SCN1A: variants seen among roughly 807,000 people sequenced by gnomAD.
The protein encoded by SCN1A is sodium channel protein type 1 subunit alpha.
SCN1A carries 13 observed loss-of-function variants against 193.7 expected under a neutral mutation model. The observed-to-expected ratio is 0.07, with a 90% CI of 0.04 to 0.11. The LOEUF (loss-of-function observed/expected upper bound fraction) is 0.11, where lower values mean the gene tolerates loss of function less well. Ranked by LOEUF, SCN1A falls within the 10% of genes least tolerant of loss-of-function variation. The pLI, the probability that SCN1A is intolerant of heterozygous loss-of-function variation, is 1.00. For missense variants in SCN1A, 1,432 were observed against 2,451.1 expected (o/e 0.58, Z 8.78); for synonymous variants, 781 against 843.6 (o/e 0.93, Z 1.29).
chr2:166,025,953 T>A (rs1347186958), intron 19 of SCN1A, among the ~76,000 whole-genome samples: 2 of 152,132 alleles, frequency 1.3e-5, no homozygotes, highest in African/African-American at 4.8e-5. Flanking sequence ...TATTCAATAT[T>A]TGTTTAGGAG....
chr2:166,066,668 C>G (rs983363255), intron 4 of SCN1A, among the ~76,000 whole-genome samples: 2 of 152,088 alleles, frequency 1.3e-5, no homozygotes, highest in East Asian at 1.9e-4. Context: ...GAAAATGAGG[C>G]CATCAGCTTC....
chr2:166,078,564 A>G (rs1477856039), intron 2 of SCN1A, among the ~76,000 whole-genome samples: 1 of 151,672 alleles, frequency 6.6e-6, no homozygotes, highest in African/African-American at 2.4e-5. Context: ...AGTCTATTTC[A>G]AAGAGAAAAA....
Position 165,991,405 on chromosome 2 carries a change from T to C in SCN1A, c.5870A>G (p.Glu1957Gly), listed in dbSNP as rs121918802. The C allele has an allele frequency of 2.0e-4, 321 of 1,613,718 alleles. No individual in the cohort carries two copies. Among genetic ancestry groups the C allele is most frequent in the Admixed American group, 2.5e-4 (15 of 59,922 alleles). Residue 1957 changes from glutamate to glycine, a missense_variant, in exon 29 of 29, where the codon GAA becomes GGA. Around this residue, in one of 18 missense-constraint regions of SCN1A, gnomAD observed 148 missense variants for 160.3 expected, o/e 0.92. Transcript: ENST00000674923. The stretch of plus-strand genomic sequence containing the variant: ...ATTTATTCTGTCAATTATCATGTCT[T>C]CTTTTATAAGAAGATTAGCCCCACC... ...IKGGANLLIK[E>G]DMIIDRINEN...
At chr2:166,092,406 A>C (rs915793745) in intron 2 of SCN1A, 1 of 152,266 alleles carries the variant, frequency 6.6e-6, no homozygotes, top group African/African-American at 2.4e-5. Flanking sequence ...CATTACAAAT[A>C]TAAAAAAGCA....
chr2:166,020,199 C>T (rs989686365), intron 19 of SCN1A, among the ~76,000 whole-genome samples: 2 of 152,144 alleles, frequency 1.3e-5, no homozygotes, highest in African/African-American at 4.8e-5. Context: ...CGTGATCCAC[C>T]ACGCCCGGCC....
Position 165,987,059 on chromosome 2 carries a change from T to C in SCN1A, c.*4186A>G, listed in dbSNP as rs1688656564. ...ATATTCCATCCAGAATTGTGTTTAG[T>C]TGTCATAGTTCTTTGACCTCATGGA... On this transcript the variant is annotated 3_prime_UTR_variant, in exon 29 of 29. Coordinates refer to ENST00000674923, the MANE Select transcript of SCN1A (RefSeq NM_001165963.4). 1 of 152,158 alleles carries C rather than the reference T, an allele frequency of 6.6e-6. No homozygotes were observed. The highest frequency in any genetic ancestry group is 2.1e-4 in the South Asian group (1 of 4,834). 9.4% of individuals were successfully genotyped at this position (152,158 alleles called of 1,614,324 possible). A position where few individuals can be genotyped will look rare whatever the true frequency, so the allele number is the denominator to read the frequency against.
At chr2:166,046,637 T>C in intron 12 of SCN1A, 133 bp downstream of exon 12, 5 of 803,724 alleles carry the variant, frequency 6.2e-6, no homozygotes, top group Non-Finnish European at 1.0e-5. Context: ...TAAAAGTAAG[T>C]GGATCATCAA....
intron 4 of SCN1A, among the ~76,000 whole-genome samples, chr2:166,067,436 G>C (rs1683958611): frequency 6.6e-6 from 1 of 151,754 alleles, no homozygotes. Flanking sequence ...AGGAAGGACA[G>C]CTATAGGCTT....
chr2:166,024,037 A>G (rs926258817), intron 19 of SCN1A, among the ~76,000 whole-genome samples: 2 of 152,024 alleles, frequency 1.3e-5, no homozygotes, highest in Non-Finnish European at 2.9e-5. Flanking sequence ...TCAGCCTCCC[A>G]AAGTGCTGGG....
intron 1 of SCN1A, among the ~76,000 whole-genome samples, chr2:166,145,178 G>GGA (rs147154033): frequency 0.7 from 90,263 of 129,342 alleles, 32,156 homozygotes; most frequent in African/African-American, 0.77. Context: ...TTTTTTGTGG[G>GGA]GGACAGAGTC....
At chr2:166,050,613 G>GTAGATATATATATATA (rs1698424576) in intron 9 of SCN1A, among the ~76,000 whole-genome samples, 1 of 65,382 alleles carries the variant, frequency 1.5e-5, no homozygotes, top group Non-Finnish European at 3.1e-5. Context: ...ATTAAAAAAA[G>GTAGATATATATATATA]TATATATATA....
intron 2 of SCN1A, chr2:166,081,779 A>G (rs1367452563): frequency 1.3e-5 from 2 of 151,932 alleles, no homozygotes; most frequent in East Asian, 1.9e-4. Flanking sequence ...GTCTCTCCCT[A>G]CAACCTGGTG....
At chr2:166,083,746 G>C (rs1390642426) in intron 2 of SCN1A, among the ~76,000 whole-genome samples, 1 of 152,058 alleles carries the variant, frequency 6.6e-6, no homozygotes, top group African/African-American at 2.4e-5. Context: ...TGAAATTTAG[G>C]ATCTCTTCTA....
intron 9 of SCN1A, 24 bp from the exon 10 acceptor site, chr2:166,048,973 T>A: frequency 7.0e-7 from 1 of 1,429,676 alleles, no homozygotes; most frequent in East Asian, 2.3e-5. Context: ...GAAAGTCGTA[T>A]GATGAACATT....
intron 2 of SCN1A, among the ~76,000 whole-genome samples, chr2:166,125,440 T>C (rs1691129709): frequency 6.6e-6 from 1 of 152,222 alleles, no homozygotes; most frequent in Non-Finnish European, 1.5e-5. Flanking sequence ...TGTGTCACTG[T>C]CAGGCTCACA....
intron 16 of SCN1A, 73 bp downstream of exon 16, chr2:166,041,158 C>A: frequency 8.9e-7 from 1 of 1,119,328 alleles, no homozygotes; most frequent in South Asian, 1.2e-5. Context: ...GACTGCTATA[C>A]ACAATTAAAT....
At chr2:166,003,734 G>T (rs998073264) in intron 23 of SCN1A, among the ~76,000 whole-genome samples, 23 of 151,544 alleles carry the variant, frequency 1.5e-4, no homozygotes, top group Admixed American at 1.5e-3. Context: ...CTCAAACTTG[G>T]ACATTAATAG....
chr2:166,071,551 T>A (rs894661807), intron 4 of SCN1A: 5 of 151,092 alleles, frequency 3.3e-5, no homozygotes, highest in African/African-American at 1.2e-4. Flanking sequence ...TTTAGATTTG[T>A]AGATGGTGTA....
chr2:166,119,180 C>T (rs1690256816), intron 2 of SCN1A, among the ~76,000 whole-genome samples: 2 of 152,120 alleles, frequency 1.3e-5, no homozygotes, highest in African/African-American at 2.4e-5. Flanking sequence ...TGGTCCGTGG[C>T]CCAGGGTTTG....
Sources: allele counts gnomAD v4.1 joint callset (sites outside exome capture counted in the v4.1 genomes callset), GRCh38; gene constraint gnomAD v4.1.1; regional missense constraint gnomAD v4.1.1; transcripts MANE v1.5; gene names NCBI Gene and HGNC (gene_info 2026-07-23, HGNC 2026-07-21).